The following MEIKIN variants were observed in gnomAD, a reference collection of about 807,000 sequenced individuals.
MEIKIN encodes meiosis-specific kinetochore protein.
chr5:131,858,783 T>A (rs1344263807), intron 9 of MEIKIN, among the ~76,000 whole-genome samples: 1 of 152,110 alleles, frequency 6.6e-6, no homozygotes, highest in African/African-American at 2.4e-5. Context: ...TAAACAGACA[T>A]TATCAAAAGA....
intron 8 of MEIKIN, among the ~76,000 whole-genome samples, chr5:131,887,588 C>T (rs368676487): frequency 2.6e-5 from 4 of 151,984 alleles, no homozygotes; most frequent in East Asian, 1.9e-4. Flanking sequence ...TGATGACCAG[C>T]GATGATGAGC....
chr5:131,858,046 T>G (rs1194184598), intron 9 of MEIKIN, among the ~76,000 whole-genome samples: 1 of 152,130 alleles, frequency 6.6e-6, no homozygotes, highest in Non-Finnish European at 1.5e-5. Flanking sequence ...TGGCCAGCAC[T>G]CCCCATCACA....
chr5:131,895,693 T>C (rs1262887613), intron 8 of MEIKIN, among the ~76,000 whole-genome samples: 1 of 152,206 alleles, frequency 6.6e-6, no homozygotes, highest in Non-Finnish European at 1.5e-5. Context: ...TTTATATTAT[T>C]TTCTGATAGT....
chr5:131,897,381 G>A (rs1252352201), intron 8 of MEIKIN, among the ~76,000 whole-genome samples: 14 of 152,088 alleles, frequency 9.2e-5, no homozygotes, highest in Non-Finnish European at 1.9e-4. Flanking sequence ...GTAACTTCTC[G>A]AGGAGTATCT....
At chr5:131,909,533 A>T (rs780808059) in intron 8 of MEIKIN, among the ~76,000 whole-genome samples, 1 of 152,198 alleles carries the variant, frequency 6.6e-6, no homozygotes, top group African/African-American at 2.4e-5. Flanking sequence ...AATACCCCAC[A>T]AACACAGGCA....
At chr5:131,820,189 A>T (rs1209817132) in intron 11 of MEIKIN, among the ~76,000 whole-genome samples, 1 of 150,828 alleles carries the variant, frequency 6.6e-6, no homozygotes, top group Non-Finnish European at 1.5e-5. Context: ...CTCCTGCCTC[A>T]GCCTCCTGAG....
intron 12 of MEIKIN, 61 bp from the exon 13 acceptor site, chr5:131,807,319 A>C (rs899681689): frequency 5.0e-6 from 2 of 397,940 alleles, no homozygotes; most frequent in African/African-American, 4.1e-5. Flanking sequence ...AATACTTACT[A>C]ATAACCAGTC....
intron 4 of MEIKIN, among the ~76,000 whole-genome samples, chr5:131,934,240 C>T (rs770229254): frequency 2.6e-5 from 4 of 151,854 alleles, no homozygotes; most frequent in East Asian, 1.9e-4. Flanking sequence ...GGATTATAGG[C>T]GTGAGCCACC....
chr5:131,915,441 T>C (rs1245236296), intron 7 of MEIKIN, among the ~76,000 whole-genome samples: 1 of 152,162 alleles, frequency 6.6e-6, no homozygotes, highest in Admixed American at 6.6e-5. Context: ...ACCTTACCCT[T>C]TCCCCAGCAC....
intron 8 of MEIKIN, among the ~76,000 whole-genome samples, chr5:131,892,908 A>C (rs150596748): frequency 0.018 from 2,681 of 151,934 alleles, 87 homozygotes; most frequent in African/African-American, 0.058. Flanking sequence ...GGATGTCCTT[A>C]CTGTTTGTTA....
intron 8 of MEIKIN, among the ~76,000 whole-genome samples, chr5:131,891,428 T>C (rs1750914756): frequency 6.6e-6 from 1 of 152,230 alleles, no homozygotes; most frequent in African/African-American, 2.4e-5. Context: ...ATATTTAGGA[T>C]AGTTAGCTTT....
At chr5:131,889,541 T>C (rs986206688) in intron 8 of MEIKIN, among the ~76,000 whole-genome samples, 1 of 152,236 alleles carries the variant, frequency 6.6e-6, no homozygotes, top group Non-Finnish European at 1.5e-5. Flanking sequence ...AGAATGCTTG[T>C]GATTTTTGCA....
In MEIKIN at chr5:131,901,171, A is replaced by G. The variant is rs116460157; in HGVS notation, c.703+10644T>C. On this transcript the variant is annotated intron_variant, in intron 8 of 12. Transcript: ENST00000442687. Reference sequence around the variant, plus strand: ...TGCAAGGCCACTGCCACTCACATGAATGCACGCACAGATGGCGTCAGTCCC... The same window carrying G: ...TGCAAGGCCACTGCCACTCACATGAGTGCACGCACAGATGGCGTCAGTCCC... Among the ~76,000 whole-genome samples the G allele has an allele frequency of 4.7e-3, 714 of 152,162 alleles. 8 individuals are homozygous for G. The highest frequency in any genetic ancestry group is 0.016 in the African/African-American group (678 of 41,508).
At chr5:131,909,434 T>C (rs962431137) in intron 8 of MEIKIN, among the ~76,000 whole-genome samples, 1 of 152,120 alleles carries the variant, frequency 6.6e-6, no homozygotes, top group Non-Finnish European at 1.5e-5. Flanking sequence ...ATTAAAAACT[T>C]AAATCTAAGA....
chr5:131,903,952 A>G (rs899172369), intron 8 of MEIKIN, among the ~76,000 whole-genome samples: 3 of 152,102 alleles, frequency 2.0e-5, no homozygotes, highest in Non-Finnish European at 2.9e-5. Flanking sequence ...AAAATCTACC[A>G]AGCCAATTAA....
At chr5:131,853,388 G>C (rs1750146751) in intron 10 of MEIKIN, among the ~76,000 whole-genome samples, 1 of 152,154 alleles carries the variant, frequency 6.6e-6, no homozygotes, top group Admixed American at 6.5e-5. Context: ...ACCTCTGTGA[G>C]GATTGCTCAC....
chr5:131,882,656 T>C (rs1011691087), intron 8 of MEIKIN, among the ~76,000 whole-genome samples: 2 of 152,248 alleles, frequency 1.3e-5, no homozygotes, highest in Non-Finnish European at 1.5e-5. Flanking sequence ...GATGTATTTC[T>C]CAGTACATTT....
rs150600810 is a variant in MEIKIN, at chr5:131,916,168, A to G, written c.638+718T>C. Among the ~76,000 whole-genome samples the G allele has an allele frequency of 8.5e-5, 13 of 152,322 alleles. No homozygotes were observed. The East Asian group carries it at 2.1e-3, about 25-fold the overall frequency. Reference sequence around the variant, plus strand: ...TCTATCCTCCTTAAGAAAATATTACATTATAAATTGTGGAAGGAATTTTTT... The same window carrying G: ...TCTATCCTCCTTAAGAAAATATTACGTTATAAATTGTGGAAGGAATTTTTT... On this transcript the variant is annotated intron_variant, in intron 7 of 12. Coordinates refer to ENST00000442687, the MANE Select transcript of MEIKIN (RefSeq NM_001303622.2).
chr5:131,827,634 T>C (rs1749637467), intron 11 of MEIKIN, among the ~76,000 whole-genome samples: 1 of 152,034 alleles, frequency 6.6e-6, no homozygotes, highest in Admixed American at 6.5e-5. Context: ...AAAGGCTTGC[T>C]AAAGAATGAA....
Sources: gnomAD v4.1 joint callset for allele counts (sites outside exome capture counted in the v4.1 genomes callset) on GRCh38, gnomAD v4.1.1 for gene constraint, MANE v1.5 for transcripts, NCBI Gene and HGNC (gene_info 2026-07-23, HGNC 2026-07-21) for gene names.